Variants in CMIP observed in about 807,000 individuals in gnomAD.
The protein encoded by CMIP is c-Maf inducing protein, also known as C-Maf-inducing protein.
A neutral mutation model predicts 97.3 loss-of-function variants in CMIP; 13 were observed. That is an observed-to-expected ratio of 0.13 (90% CI 0.09 to 0.21). The LOEUF is 0.21. CMIP is among the 10% of genes least tolerant of loss of function. The pLI, the probability that CMIP is intolerant of heterozygous loss-of-function variation, is 1.00. For missense variants in CMIP, 847 were observed against 1,024.9 expected, an observed-to-expected ratio of 0.83 and a Z score of 2.37; for synonymous variants, 538 against 436.3, an observed-to-expected ratio of 1.23 and a Z score of -2.91.
intron 1 of CMIP, chr16:81,464,440 C>T (rs1465173966): frequency 6.6e-6 from 1 of 152,200 alleles, no homozygotes; most frequent in East Asian, 1.9e-4. Flanking sequence ...TGTTTTCTCA[C>T]TTTGTCTATT....
intron 4 of CMIP, among the ~76,000 whole-genome samples, chr16:81,656,275 C>T (rs1047665564): frequency 2.6e-5 from 4 of 152,202 alleles, no homozygotes; most frequent in Admixed American, 6.5e-5. Flanking sequence ...TTTCTTTTGC[C>T]TTGGCTTCTG....
intron 3 of CMIP, among the ~76,000 whole-genome samples, chr16:81,645,154 T>C (rs552195722): frequency 6.6e-6 from 1 of 152,376 alleles, no homozygotes; most frequent in Admixed American, 6.5e-5. Flanking sequence ...TGAAGTTCAG[T>C]GTGCGTAGCC....
intron 20 of CMIP, among the ~76,000 whole-genome samples, chr16:81,708,653 G>A (rs910719744): frequency 6.6e-6 from 1 of 152,210 alleles, no homozygotes; most frequent in Non-Finnish European, 1.5e-5. Context: ...CTCAGTGCCA[G>A]GCAGGCCACG....
intron 3 of CMIP, among the ~76,000 whole-genome samples, chr16:81,637,622 G>A (rs996451547): frequency 8.6e-6 from 1 of 116,878 alleles, no homozygotes; most frequent in African/African-American, 3.2e-5. Context: ...CCGACTCTCC[G>A]TTTGTGATGA....
At chr16:81,554,606 C>A (rs1199281289) in intron 1 of CMIP, among the ~76,000 whole-genome samples, 8 of 152,248 alleles carry the variant, frequency 5.3e-5, no homozygotes, top group African/African-American at 1.7e-4. Flanking sequence ...CTCCAGATTT[C>A]TACTTTCTGG....
At chr16:81,485,991 C>T (rs1478652751) in intron 1 of CMIP, among the ~76,000 whole-genome samples, 1 of 152,196 alleles carries the variant, frequency 6.6e-6, no homozygotes, top group Non-Finnish European at 1.5e-5. Flanking sequence ...TCCTAAGCTC[C>T]CAGACCTACT....
intron 1 of CMIP, among the ~76,000 whole-genome samples, chr16:81,511,969 C>T (rs1480692286): frequency 1.3e-5 from 2 of 152,170 alleles, no homozygotes; most frequent in South Asian, 2.1e-4. Flanking sequence ...AAGTGTAAAA[C>T]GCACACTGGA....
At position 81,689,624 on chromosome 16, in the gene CMIP, G is replaced by C. The variant is rs568020721; in HGVS notation, c.1389-2151G>C. Among the ~76,000 whole-genome samples, 10 of 152,090 alleles carry C rather than the reference G, an allele frequency of 6.6e-5. No individual in the cohort carries two copies. In the East Asian group the frequency reaches 1.9e-3, roughly 29 times the overall value. On this transcript the variant is annotated intron_variant, in intron 10 of 20. Transcript: ENST00000537098. ...TAGGTTTCCTTTTCACTCTGATGGT[G>C]GTTTCTTTTGCTGTGCAGAAGCTCT...
At chr16:81,615,743 T>C (rs1396692218) in intron 2 of CMIP, among the ~76,000 whole-genome samples, 1 of 151,964 alleles carries the variant, frequency 6.6e-6, no homozygotes, top group Admixed American at 6.6e-5. Context: ...GTGTATGGTG[T>C]GTGTGTGGTG....
At chr16:81,609,243 T>C (rs968235639) in intron 2 of CMIP, among the ~76,000 whole-genome samples, 15 of 151,592 alleles carry the variant, frequency 9.9e-5, no homozygotes, top group African/African-American at 3.4e-4. Flanking sequence ...CTCTCATCTT[T>C]ATGATAGAGG....
chr16:81,542,943 A>G (rs2090475889), intron 1 of CMIP, among the ~76,000 whole-genome samples: 1 of 152,212 alleles, frequency 6.6e-6, no homozygotes, highest in Non-Finnish European at 1.5e-5. Flanking sequence ...TTTACATTGC[A>G]GCAGTATGTA....
intron 1 of CMIP, among the ~76,000 whole-genome samples, chr16:81,501,839 T>G (rs1567547053): frequency 6.6e-6 from 1 of 152,172 alleles, no homozygotes; most frequent in Non-Finnish European, 1.5e-5. Flanking sequence ...CTCGAACTCC[T>G]GACCTCAAGT....
At chr16:81,518,574 T>C (rs761717728) in intron 1 of CMIP, 8 of 152,262 alleles carry the variant, frequency 5.3e-5, no homozygotes, top group Non-Finnish European at 1.0e-4. Flanking sequence ...GCCTTTGGCT[T>C]ACAGGCTGTG....
rs181308391 is a variant in CMIP, at chr16:81,480,651, T to C, written c.300+35110T>C. 1.9e-3 allele frequency among the ~76,000 whole-genome samples: 295 copies of C among 152,350 alleles called. 1 individual carries two copies. Among genetic ancestry groups the C allele is most frequent in the Non-Finnish European group, 3.6e-3 (248 of 68,036 alleles). On this transcript the variant is annotated intron_variant, in intron 1 of 20. Coordinates refer to ENST00000537098, the MANE Select transcript of CMIP (RefSeq NM_198390.3). ...TGGAAGGGGCACCTGTTGCTACTTA[T>C]GTGTTTGCTATGGGGTAAAATAATT...
chr16:81,551,359 T>C (rs2090655223), intron 1 of CMIP, among the ~76,000 whole-genome samples: 1 of 152,248 alleles, frequency 6.6e-6, no homozygotes, highest in South Asian at 2.1e-4. Flanking sequence ...GATTAGTCAC[T>C]TCTAGCTAAT....
intron 1 of CMIP, among the ~76,000 whole-genome samples, chr16:81,489,103 G>C (rs1427429180): frequency 6.6e-6 from 1 of 152,108 alleles, no homozygotes; most frequent in Non-Finnish European, 1.5e-5. Flanking sequence ...TCAGGCACAG[G>C]AGATGCACCC....
At chr16:81,564,370 C>T (rs2090941003) in intron 1 of CMIP, among the ~76,000 whole-genome samples, 1 of 152,204 alleles carries the variant, frequency 6.6e-6, no homozygotes, top group Non-Finnish European at 1.5e-5. Flanking sequence ...TTTAAAAGTA[C>T]ATATGTGTCT....
At chr16:81,632,418 C>T (rs532802097) in intron 3 of CMIP, among the ~76,000 whole-genome samples, 6 of 152,338 alleles carry the variant, frequency 3.9e-5, no homozygotes, top group Non-Finnish European at 7.3e-5. Context: ...CACGCGGTTC[C>T]GTTCCATGCT....
At chr16:81,493,965 T>C (rs961890501) in intron 1 of CMIP, among the ~76,000 whole-genome samples, 21 of 152,220 alleles carry the variant, frequency 1.4e-4, no homozygotes, top group Non-Finnish European at 2.1e-4. Context: ...AGATGACTTA[T>C]TTATTAGCCG....
Sources: allele counts gnomAD v4.1 joint callset (sites outside exome capture counted in the v4.1 genomes callset), GRCh38; gene constraint gnomAD v4.1.1; transcripts MANE v1.5; gene names NCBI Gene and HGNC (gene_info 2026-07-23, HGNC 2026-07-21).